The following NSMCE2 variants were observed in gnomAD, a reference collection of about 807,000 sequenced individuals.
NSMCE2 encodes the protein NSE2 SUMO ligase component of SMC5/6 complex, also known as E3 SUMO-protein ligase NSE2.
In NSMCE2, 24 loss-of-function variants were observed where a neutral mutation model predicts 23.8. That is an observed-to-expected ratio of 1.01 (90% CI 0.73 to 1.42). NSMCE2 has a LOEUF of 1.42. Among genes scored for constraint, NSMCE2 ranks in the 40% most tolerant of loss-of-function variants. NSMCE2 has a pLI of 0.00. For synonymous variants in NSMCE2, 92 were observed against 94.1 expected (o/e 0.98, Z 0.13); for missense variants, 284 against 296.5 (o/e 0.96, Z 0.31).
At chr8:125,276,857 T>C (rs559462429) in intron 5 of NSMCE2, among the ~76,000 whole-genome samples, 338 of 152,340 alleles carry the variant, frequency 2.2e-3, no homozygotes, top group African/African-American at 7.7e-3. Context: ...TGCCATCTCT[T>C]CTGGAAAGCC....
At chr8:125,276,128 C>T (rs1827440949) in intron 5 of NSMCE2, among the ~76,000 whole-genome samples, 1 of 152,156 alleles carries the variant, frequency 6.6e-6, no homozygotes, top group African/African-American at 2.4e-5. Context: ...AGACAGGATA[C>T]TCAATTACAT....
At chr8:125,098,644 C>T (rs1489788090) in intron 1 of NSMCE2, among the ~76,000 whole-genome samples, 2 of 151,928 alleles carry the variant, frequency 1.3e-5, no homozygotes, top group Non-Finnish European at 2.9e-5. Context: ...AGTTTGACTA[C>T]AGAGCTGGCA....
At chr8:125,236,019 T>C (rs1825533851) in intron 5 of NSMCE2, among the ~76,000 whole-genome samples, 1 of 152,202 alleles carries the variant, frequency 6.6e-6, no homozygotes, top group African/African-American at 2.4e-5. Context: ...ACAATCTTCT[T>C]GCTGAAAAAT....
At chr8:125,183,634 GGT>G (rs59285361) in intron 5 of NSMCE2, among the ~76,000 whole-genome samples, 103 of 147,098 alleles carry the variant, frequency 7.0e-4, no homozygotes, top group Non-Finnish European at 8.9e-4. Context: ...ATTACTCAGT[GGT>G]GTGTGTGTGT....
At chr8:125,165,394 G>A (rs1821827596) in intron 4 of NSMCE2, among the ~76,000 whole-genome samples, 1 of 152,096 alleles carries the variant, frequency 6.6e-6, no homozygotes, top group South Asian at 2.1e-4. Context: ...AATATAAGAT[G>A]GTATTTTCCA....
At chr8:125,183,335 A>G (rs577226692) in intron 5 of NSMCE2, among the ~76,000 whole-genome samples, 1 of 152,312 alleles carries the variant, frequency 6.6e-6, no homozygotes. Flanking sequence ...ATGTTTTGCA[A>G]TCATGATGAG....
chr8:125,193,204 A>G (rs1161289738), intron 5 of NSMCE2, among the ~76,000 whole-genome samples: 1 of 152,222 alleles, frequency 6.6e-6, no homozygotes, highest in East Asian at 1.9e-4. Flanking sequence ...CTACACATTT[A>G]TGTAAAGTAG....
intron 5 of NSMCE2, among the ~76,000 whole-genome samples, chr8:125,343,321 T>C (rs1830314737): frequency 6.6e-6 from 1 of 152,240 alleles, no homozygotes. Context: ...CTTTACCTTT[T>C]AGCCTTAAAG....
chr8:125,120,715 T>C (rs1472067820), intron 3 of NSMCE2, among the ~76,000 whole-genome samples: 1 of 152,222 alleles, frequency 6.6e-6, no homozygotes, highest in African/African-American at 2.4e-5. Flanking sequence ...CCTCAGGCAC[T>C]GGCTTTCTCT....
intron 5 of NSMCE2, among the ~76,000 whole-genome samples, chr8:125,353,129 A>G (rs1468067990): frequency 6.6e-6 from 1 of 152,226 alleles, no homozygotes; most frequent in African/African-American, 2.4e-5. Flanking sequence ...AAAATAGGAA[A>G]TAGCAAACAA....
chr8:125,171,529 A>T (rs1363758512), intron 4 of NSMCE2, among the ~76,000 whole-genome samples: 1 of 152,082 alleles, frequency 6.6e-6, no homozygotes, highest in East Asian at 1.9e-4. Flanking sequence ...TGTTTGGGGG[A>T]GGGTTAAATA....
At chr8:125,269,859 A>G (rs907481583) in intron 5 of NSMCE2, among the ~76,000 whole-genome samples, 1 of 152,230 alleles carries the variant, frequency 6.6e-6, no homozygotes. Context: ...GTAACAAAGT[A>G]AGCTAAACAT....
chr8:125,113,629 A>ATAAAG (rs1187465024), intron 3 of NSMCE2, among the ~76,000 whole-genome samples: 5 of 152,360 alleles, frequency 3.3e-5, no homozygotes, highest in Non-Finnish European at 5.9e-5. Context: ...CCTGAACACA[A>ATAAAG]TAAAGTGTAA....
intron 5 of NSMCE2, among the ~76,000 whole-genome samples, chr8:125,220,657 G>A (rs1824812260): frequency 2.0e-5 from 3 of 149,158 alleles, no homozygotes; most frequent in Non-Finnish European, 4.5e-5. Context: ...AAAAAAAAAA[G>A]TAAAGAACTT....
chr8:125,301,783 C>T (rs1169569469), intron 5 of NSMCE2, among the ~76,000 whole-genome samples: 1 of 151,890 alleles, frequency 6.6e-6, no homozygotes, highest in African/African-American at 2.4e-5. Context: ...CTGCCGCAGC[C>T]TCCCGAGTAG....
At chr8:125,184,591 C>T (rs1027900756) in intron 5 of NSMCE2, among the ~76,000 whole-genome samples, 11 of 152,076 alleles carry the variant, frequency 7.2e-5, no homozygotes, top group Admixed American at 2.0e-4. Context: ...AATGACAGAA[C>T]AAGCAAAATA....
At chr8:125,189,925 G>C (rs974914855) in intron 5 of NSMCE2, among the ~76,000 whole-genome samples, 8 of 152,150 alleles carry the variant, frequency 5.3e-5, no homozygotes, top group African/African-American at 1.9e-4. Flanking sequence ...CAAACAAATT[G>C]ATGAAGTTTG....
intron 5 of NSMCE2, 87 bp from the exon 6 acceptor site, chr8:125,357,132 A>G (rs1813314621): frequency 4.7e-6 from 4 of 848,068 alleles, no homozygotes; most frequent in Non-Finnish European, 3.9e-6. Context: ...ATGCTCCCCC[A>G]GAAACTCTTC....
chr8:125,106,047 T>TACACACAC (rs138450338), intron 3 of NSMCE2, among the ~76,000 whole-genome samples: 2,972 of 148,308 alleles, frequency 0.02, 47 homozygotes, highest in Middle Eastern at 0.059. Flanking sequence ...TGTGTGTGCA[T>TACACACAC]ACACACACAC....
Sources: allele counts gnomAD v4.1 joint callset (sites outside exome capture counted in the v4.1 genomes callset), GRCh38; gene constraint gnomAD v4.1.1; transcripts MANE v1.5; gene names NCBI Gene and HGNC (gene_info 2026-07-23, HGNC 2026-07-21).